CCDC85A: variants seen among roughly 807,000 people sequenced by gnomAD.
The protein encoded by CCDC85A is coiled-coil domain-containing protein 85A.
In CCDC85A, 38 loss-of-function variants were observed where a neutral mutation model predicts 50.2. The ratio of observed to expected loss-of-function variants is 0.76; its 90% CI spans 0.58 to 0.99. The LOEUF (loss-of-function observed/expected upper bound fraction) is 0.99, where lower values mean the gene tolerates loss of function less well. Ranked by LOEUF, CCDC85A falls within the 50% of genes least tolerant of loss-of-function variation. The pLI, the probability that CCDC85A is intolerant of heterozygous loss-of-function variation, is 0.00. For missense variants in CCDC85A, 820 were observed against 742.0 expected (o/e 1.11, Z -1.22); for synonymous variants, 366 against 301.4 (o/e 1.21, Z -2.22).
Position 56,189,295 on chromosome 2 carries a change from G to GTATT in CCDC85A, c.277-3181_277-3180insATTT, listed in dbSNP as rs773078371. On this transcript the variant is annotated intron_variant, in intron 1 of 5. Coordinates refer to ENST00000407595, the MANE Select transcript of CCDC85A (RefSeq NM_001080433.2). ...GCAAAACATGCACGGGGTATTTTTG[G>GTATT]TGTTTTTTTTTTTTTTTGAGACAAG... Among the ~76,000 whole-genome samples, 29 of 100,458 alleles carry GTATT rather than the reference G, an allele frequency of 2.9e-4. 2 individuals are homozygous for GTATT. The highest frequency in any genetic ancestry group is 6.7e-4 in the African/African-American group (15 of 22,402). The allele number at this position is 100,458 out of a possible 152,430, so 65.9% of individuals were successfully genotyped here.
intron 2 of CCDC85A, among the ~76,000 whole-genome samples, chr2:56,241,442 C>T (rs2103966097): frequency 6.6e-6 from 1 of 152,126 alleles, no homozygotes; most frequent in East Asian, 1.9e-4. Context: ...TTTTCTTGTG[C>T]CCATTAACCA....
At chr2:56,383,804 T>C (rs1676702611) in intron 5 of CCDC85A, 4 of 920,414 alleles carry the variant, frequency 4.3e-6, no homozygotes, top group South Asian at 1.0e-4. Flanking sequence ...GTTATGGATG[T>C]ATAATATAGG....
chr2:56,320,807 T>G (rs1257616658), intron 2 of CCDC85A, among the ~76,000 whole-genome samples: 1 of 152,170 alleles, frequency 6.6e-6, no homozygotes, highest in East Asian at 1.9e-4. Flanking sequence ...AACATCATCC[T>G]GATATCAAAG....
chr2:56,359,613 T>C (rs986779032), intron 3 of CCDC85A, among the ~76,000 whole-genome samples: 1 of 152,214 alleles, frequency 6.6e-6, no homozygotes, highest in Non-Finnish European at 1.5e-5. Context: ...ACAAGTGAAA[T>C]GCTAAATCTA....
chr2:56,319,085 T>C (rs1673047952), intron 2 of CCDC85A, among the ~76,000 whole-genome samples: 1 of 151,930 alleles, frequency 6.6e-6, no homozygotes. Flanking sequence ...AGGTGAGGCG[T>C]GGGTGGTGAT....
chr2:56,234,434 C>G (rs916120354), intron 2 of CCDC85A, among the ~76,000 whole-genome samples: 2 of 152,080 alleles, frequency 1.3e-5, no homozygotes, highest in African/African-American at 4.8e-5. Flanking sequence ...TCGAGCTTGC[C>G]TAGCTTTTCA....
chr2:56,252,998 G>A (rs1669833474), intron 2 of CCDC85A, among the ~76,000 whole-genome samples: 1 of 151,544 alleles, frequency 6.6e-6, no homozygotes, highest in African/African-American at 2.4e-5. Flanking sequence ...CAGTCTGGGT[G>A]ACAAAGCAAG....
At chr2:56,308,593 C>CTAA (rs538082783) in intron 2 of CCDC85A, among the ~76,000 whole-genome samples, 65 of 152,106 alleles carry the variant, frequency 4.3e-4, no homozygotes, top group Non-Finnish European at 7.6e-4. Flanking sequence ...AAAATAGGAC[C>CTAA]TAATAATACC....
At chr2:56,372,205 C>G in intron 3 of CCDC85A, 139 bp from the exon 4 acceptor site, 2 of 728,682 alleles carry the variant, frequency 2.7e-6, no homozygotes, top group South Asian at 4.9e-5. Flanking sequence ...TATTTTTTCC[C>G]TAGCTACAGG....
chr2:56,233,786 C>A (rs1199622102), intron 2 of CCDC85A, among the ~76,000 whole-genome samples: 3 of 152,118 alleles, frequency 2.0e-5, no homozygotes, highest in Admixed American at 2.0e-4. Flanking sequence ...ATTGCAGCTT[C>A]TGAAAGCTCC....
In CCDC85A at chr2:56,379,116, C is replaced by A. The variant is rs142767385; in HGVS notation, c.1572+3181C>A. 7.9e-5 allele frequency among the ~76,000 whole-genome samples: 12 copies of A among 152,228 alleles called. No homozygotes were observed. In the East Asian group the frequency reaches 2.3e-3, roughly 29 times the overall value. On this transcript the variant is annotated intron_variant, in intron 5 of 5. Coordinates refer to ENST00000407595, the MANE Select transcript of CCDC85A (RefSeq NM_001080433.2). ...GTTTAAAAGGCATTTTATTCCAAGACATTTTGCTTTCATGAAAAATATTTA... is the reference window on the plus strand; with the variant it reads ...GTTTAAAAGGCATTTTATTCCAAGAAATTTTGCTTTCATGAAAAATATTTA...
intron 3 of CCDC85A, among the ~76,000 whole-genome samples, chr2:56,343,226 A>C (rs1674462753): frequency 6.6e-6 from 1 of 152,172 alleles, no homozygotes; most frequent in Admixed American, 6.5e-5. Flanking sequence ...AAATAATGAG[A>C]AGTAGAAAAT....
At position 56,192,635 on chromosome 2, in the gene CCDC85A, G is replaced by A; in HGVS notation, c.435G>A (p.Leu145=). The A allele has an allele frequency of 6.2e-7, 1 of 1,613,918 alleles. No homozygotes were observed. The highest frequency in any genetic ancestry group is 8.5e-7 in the Non-Finnish European group (1 of 1,179,864). The change falls in exon 2 of 6, where the codon CTG becomes CTA. Residue 145 remains leucine (L), a synonymous_variant. Transcript: ENST00000407595. This position sits in a 1 kb window ranked among gnomAD's most constrained non-coding sequence, Gnocchi z 4.7. The part of the protein sequence containing the change: ...GVMHKEVALY[L]QKLKDLEVKQ... ...TGCACAAGGAAGTGGCCTTATACCT[G>A]CAGAAGCTGAAAGACCTGGAGGTGA... is the stretch of plus-strand genomic sequence containing the variant.
At chr2:56,210,813 AT>A (rs1370174834) in intron 2 of CCDC85A, among the ~76,000 whole-genome samples, 22 of 152,014 alleles carry the variant, frequency 1.4e-4, no homozygotes, top group African/African-American at 5.3e-4. Flanking sequence ...GCCACCTGGC[AT>A]TTTGTGACCT....
rs549497593 is a variant in CCDC85A at position 56,241,378 on chromosome 2, G to A, written c.1240+47938G>A. 3.3e-5 allele frequency among the ~76,000 whole-genome samples: 5 copies of A among 151,902 alleles called. No homozygotes were observed. In the South Asian group the frequency reaches 6.2e-4, roughly 19 times the overall value. ...TAAAATGTACAATTAAATTATTATT[G>A]ACTGTAGTTGCCGCGTTGTGCTATC... On this transcript the variant is annotated intron_variant, in intron 2 of 5. Coordinates refer to ENST00000407595, the MANE Select transcript of CCDC85A (RefSeq NM_001080433.2).
Position 56,193,352 on chromosome 2 carries a change from C to G in CCDC85A, c.1152C>G (p.Ser384Arg). The change falls in exon 2 of 6, where the codon AGC becomes AGG. Residue 384 changes from serine (S) to arginine (R), a missense_variant. Physicochemically the swap from Ser to Arg is moderately radical, Grantham distance 110. Transcript: ENST00000407595. ...GAGGCAGTGGAGGAAGTGGAGGCAGCGGCGGAGGCAGCAGGGAGGGCACCC... is the reference window on the plus strand; with the variant it reads ...GAGGCAGTGGAGGAAGTGGAGGCAGGGGCGGAGGCAGCAGGGAGGGCACCC... ...HGGGSGGSGG[S>R]GGGSREGTLR... The G allele has an allele frequency of 6.2e-7, 1 of 1,611,022 alleles. No homozygotes were observed. The highest frequency in any genetic ancestry group is 8.5e-7 in the Non-Finnish European group (1 of 1,178,508).
chr2:56,265,001 A>G (rs1670375597), intron 2 of CCDC85A, among the ~76,000 whole-genome samples: 1 of 152,160 alleles, frequency 6.6e-6, no homozygotes, highest in African/African-American at 2.4e-5. Flanking sequence ...GTAAAATAAC[A>G]CAGTAACAAC....
intron 2 of CCDC85A, among the ~76,000 whole-genome samples, chr2:56,326,571 AG>A (rs1673482212): frequency 6.6e-6 from 1 of 152,138 alleles, no homozygotes; most frequent in Non-Finnish European, 1.5e-5. Context: ...TAAAATTAAA[AG>A]GCATAAAGAA....
At chr2:56,336,426 C>A (rs1436486284) in intron 2 of CCDC85A, among the ~76,000 whole-genome samples, 1 of 152,088 alleles carries the variant, frequency 6.6e-6, no homozygotes, top group Admixed American at 6.5e-5. Flanking sequence ...AGTGCTAGGA[C>A]TGTAGGTGCA....
Sources: allele counts gnomAD v4.1 joint callset (sites outside exome capture counted in the v4.1 genomes callset), GRCh38; gene constraint gnomAD v4.1.1; non-coding constraint Gnocchi (gnomAD v3.1); transcripts MANE v1.5; gene names NCBI Gene and HGNC (gene_info 2026-07-23, HGNC 2026-07-21).